The following ITGB8 variants were observed in gnomAD, a reference collection of about 807,000 sequenced individuals.
ITGB8 encodes the protein integrin subunit beta 8.
ITGB8 carries 30 observed loss-of-function variants against 89.5 expected under a neutral mutation model. The observed-to-expected ratio is 0.34, with a 90% CI of 0.25 to 0.45. The LOEUF (loss-of-function observed/expected upper bound fraction) is 0.45. Ranked by LOEUF, ITGB8 falls within the 20% of genes least tolerant of loss-of-function variation. ITGB8 has a pLI of 1.00. For synonymous variants in ITGB8, 335 were observed against 320.4 expected, an observed-to-expected ratio of 1.05 and a Z score of -0.49; for missense variants, 836 against 933.3, an observed-to-expected ratio of 0.90 and a Z score of 1.36.
intron 5 of ITGB8, 73 bp from the exon 6 acceptor site, chr7:20,381,654 G>A: frequency 8.5e-7 from 1 of 1,171,604 alleles, no homozygotes; most frequent in Non-Finnish European, 1.2e-6. Context: ...CAAACGTAAT[G>A]TTTACTTGAG....
At chr7:20,361,015 G>A (rs1785483222) in intron 1 of ITGB8, among the ~76,000 whole-genome samples, 1 of 138,648 alleles carries the variant, frequency 7.2e-6, no homozygotes, top group Non-Finnish European at 1.5e-5. Context: ...GCCAGCATCT[G>A]TTGTTTCTTG....
At position 20,340,811 on chromosome 7, in the gene ITGB8, T is replaced by C. The variant is rs1335487433; in HGVS notation, c.127+8878T>C. Among the ~76,000 whole-genome samples the C allele has an allele frequency of 5.9e-5, 9 of 152,282 alleles. No individual in the cohort carries two copies. In the East Asian group the frequency reaches 1.7e-3, roughly 29 times the overall value. ...CTTATGGAATGAGGGATTACCACTA[T>C]GCTGTAAAGGATCATTAGAATATTA... On this transcript the variant is annotated intron_variant, in intron 1 of 13. Transcript: ENST00000222573.
chr7:20,332,975 T>G (rs576922977), intron 1 of ITGB8, among the ~76,000 whole-genome samples: 6 of 151,846 alleles, frequency 4.0e-5, no homozygotes, highest in Admixed American at 3.3e-4. Flanking sequence ...CACCAAGTCC[T>G]TAAATTATAT....
Position 20,379,146 on chromosome 7 carries a change from A to G in ITGB8, c.484A>G (p.Asn162Asp), listed in dbSNP as rs1351096129. Residue 162 changes from asparagine (N) to aspartate (D), a missense_variant, in exon 4 of 14, where the codon AAT becomes GAT. Physicochemically the swap from Asn to Asp is conservative, Grantham distance 23. Transcript: ENST00000222573. Reference sequence around the variant, plus strand: ...TGATGTCTCAGCATCAATGCACAATAATATAGAAAAATTAAATTCCGTTGG... The same window carrying G: ...TGATGTCTCAGCATCAATGCACAATGATATAGAAAAATTAAATTCCGTTGG... ...LVDVSASMHN[N>D]IEKLNSVGND... 6.2e-7 allele frequency: 1 copy of G among 1,609,364 alleles called. No individual in the cohort carries two copies. Among genetic ancestry groups the G allele is most frequent in the Non-Finnish European group, 8.5e-7 (1 of 1,177,216 alleles).
At chr7:20,405,663 C>A (rs145066048) in intron 11 of ITGB8, among the ~76,000 whole-genome samples, 320 of 152,118 alleles carry the variant, frequency 2.1e-3, no homozygotes, top group African/African-American at 7.4e-3. Context: ...GTCTGTGACA[C>A]ACCCTAGAAA....
At chr7:20,382,575 T>C (rs973531538) in intron 6 of ITGB8, among the ~76,000 whole-genome samples, 4 of 152,218 alleles carry the variant, frequency 2.6e-5, no homozygotes, top group Non-Finnish European at 1.5e-5. Context: ...TATTCTTGCA[T>C]ATGTTAAAAC....
intron 1 of ITGB8, among the ~76,000 whole-genome samples, chr7:20,350,655 G>A (rs1043331416): frequency 7.2e-5 from 11 of 152,186 alleles, no homozygotes; most frequent in African/African-American, 2.4e-4. Flanking sequence ...CATCATCAAC[G>A]AGGAAGCAAA....
At chr7:20,394,825 T>C in intron 7 of ITGB8, 71 bp from the exon 8 acceptor site, 2 of 1,025,298 alleles carry the variant, frequency 2.0e-6, no homozygotes, top group South Asian at 2.6e-5. Context: ...ACAAAAATAT[T>C]TACTATTTGT....
At chr7:20,332,592 C>G (rs1784443301) in intron 1 of ITGB8, among the ~76,000 whole-genome samples, 1 of 152,182 alleles carries the variant, frequency 6.6e-6, no homozygotes, top group South Asian at 2.1e-4. Context: ...GCTTTCTGTC[C>G]AGGCAAACCA....
intron 6 of ITGB8, among the ~76,000 whole-genome samples, chr7:20,384,860 C>T (rs1212345846): frequency 6.6e-6 from 1 of 152,162 alleles, no homozygotes; most frequent in Admixed American, 6.5e-5. Context: ...TATATGGTTG[C>T]TGGCAAATGA....
At chr7:20,402,155 T>C in intron 10 of ITGB8, 29 bp downstream of exon 10, 1 of 1,541,370 alleles carries the variant, frequency 6.5e-7, no homozygotes, top group Non-Finnish European at 8.8e-7. Context: ...AGGCAGCTTT[T>C]ACTTGTCACT....
chr7:20,382,944 A>G (rs917258351), intron 6 of ITGB8, among the ~76,000 whole-genome samples: 4 of 152,066 alleles, frequency 2.6e-5, no homozygotes, highest in African/African-American at 9.7e-5. Flanking sequence ...AAAACTATGA[A>G]CTCCCTCCAA....
chr7:20,353,584 C>T (rs926611210), intron 1 of ITGB8, among the ~76,000 whole-genome samples: 3 of 152,162 alleles, frequency 2.0e-5, no homozygotes, highest in African/African-American at 7.2e-5. Context: ...TCATTAACTT[C>T]TTTAAAAATA....
intron 1 of ITGB8, among the ~76,000 whole-genome samples, chr7:20,335,286 C>T (rs900299617): frequency 3.3e-5 from 5 of 152,034 alleles, no homozygotes; most frequent in Admixed American, 1.3e-4. Context: ...GAGAAGGACA[C>T]GAGGAATGGG....
intron 3 of ITGB8, among the ~76,000 whole-genome samples, chr7:20,376,550 G>A (rs1332530485): frequency 1.3e-5 from 2 of 152,162 alleles, no homozygotes; most frequent in Non-Finnish European, 2.9e-5. Flanking sequence ...GCCCCCAAGA[G>A]TCTTCTCCTT....
chr7:20,379,964 T>A (rs1786310198), intron 4 of ITGB8: 1 of 152,166 alleles, frequency 6.6e-6, no homozygotes, highest in Non-Finnish European at 1.5e-5. Flanking sequence ...TTCAGAAAAA[T>A]AAATCTGTAT....
chr7:20,381,999 A>C lies in ITGB8; in HGVS notation c.960+114A>C, dbSNP rs1282354318. On this transcript the variant is annotated intron_variant, in intron 6 of 13. Coordinates refer to ENST00000222573, the MANE Select transcript of ITGB8 (RefSeq NM_002214.3). Reference sequence around the variant, plus strand: ...AATTACCTACAAAAGAAAGATACAGAACAAGGATAAGCCATGAGAGAGAAT... The same window carrying C: ...AATTACCTACAAAAGAAAGATACAGCACAAGGATAAGCCATGAGAGAGAAT... 7.1e-6 allele frequency: 6 copies of C among 839,220 alleles called. No homozygotes were observed. In the East Asian group the frequency reaches 1.5e-4, roughly 22 times the overall value. The allele number at this position is 839,220 out of a possible 1,614,324, so 52.0% of individuals were successfully genotyped here. A position where few individuals can be genotyped will look rare whatever the true frequency, so the allele number is the denominator to read the frequency against.
In ITGB8 at chr7:20,401,963, T is replaced by A; in HGVS notation, c.1524T>A (p.Ser508=). Residue 508 remains serine, a synonymous_variant, in exon 10 of 14, where the codon TCT becomes TCA. Coordinates refer to ENST00000222573, the MANE Select transcript of ITGB8 (RefSeq NM_002214.3). ...ATTTTGATGAAGATCAGTTTTCTTC[T>A]GAGAGTTGCAAGTCACACAAGGATC... ...KCHFDEDQFS[S]ESCKSHKDQP... 6.2e-7 allele frequency: 1 copy of A among 1,614,178 alleles called. No individual in the cohort carries two copies. Among genetic ancestry groups the A allele is most frequent in the East Asian group, 2.2e-5 (1 of 44,882 alleles).
chr7:20,333,031 T>C (rs1784462157), intron 1 of ITGB8, among the ~76,000 whole-genome samples: 2 of 152,190 alleles, frequency 1.3e-5, no homozygotes, highest in Middle Eastern at 3.4e-3. Context: ...GTTTAATTAA[T>C]AGTTGTAATT....
Sources: allele counts gnomAD v4.1 joint callset (sites outside exome capture counted in the v4.1 genomes callset), GRCh38; gene constraint gnomAD v4.1.1; transcripts MANE v1.5; gene names NCBI Gene and HGNC (gene_info 2026-07-23, HGNC 2026-07-21).